Variants in KANSL3 observed in about 807,000 individuals in gnomAD.
KANSL3 encodes the protein KAT8 regulatory NSL complex subunit 3, also known as NSL complex protein NSL3.
Under a neutral mutation model 89.2 loss-of-function variants are expected in KANSL3, and 16 were observed. That is an observed-to-expected ratio of 0.18 (90% CI 0.12 to 0.27). KANSL3 has a LOEUF of 0.27. KANSL3 is among the 10% of genes least tolerant of loss of function. The pLI is 1.00. For synonymous variants in KANSL3, 385 were observed against 419.7 expected (o/e 0.92, Z 1.01); for missense variants, 879 against 1,110.6 (o/e 0.79, Z 2.96).
intron 17 of KANSL3, 74 bp from the exon 18 acceptor site, chr2:96,602,936 A>C: frequency 7.4e-7 from 1 of 1,357,592 alleles, no homozygotes. Flanking sequence ...ACATCCATCC[A>C]CCCTCACCAC....
At chr2:96,582,312 C>G in the KANSL3 span, among the ~76,000 whole-genome samples, 2 of 152,084 alleles carry the variant, frequency 1.3e-5, no homozygotes, top group Non-Finnish European at 2.9e-5. Context: ...GCAGGAGAAT[C>G]GCTTGAACCC....
intron 3 of KANSL3, among the ~76,000 whole-genome samples, chr2:96,629,323 C>CT (rs977532774): frequency 4.6e-5 from 7 of 151,914 alleles, no homozygotes; most frequent in Non-Finnish European, 5.9e-5. Flanking sequence ...CTCAAAAGAG[C>CT]TTTTTTTTCT....
chr2:96,608,414 G>A, intron 14 of KANSL3, 94 bp downstream of exon 14: 1 of 1,304,974 alleles, frequency 7.7e-7, no homozygotes, highest in Non-Finnish European at 1.1e-6. Flanking sequence ...ACATCCCCCT[G>A]AAAAAAGCCA....
the KANSL3 span, among the ~76,000 whole-genome samples, chr2:96,582,172 T>C: frequency 7.9e-5 from 12 of 152,146 alleles, no homozygotes; most frequent in East Asian, 2.3e-3. Context: ...GGCGGATGAC[T>C]TGAGGCCAGG....
Position 96,637,785 on chromosome 2 carries a change from C to T in KANSL3, c.-51+498G>A, listed in dbSNP as rs554391699. Among the ~76,000 whole-genome samples, 12 of 152,134 alleles carry T rather than the reference C, an allele frequency of 7.9e-5. No homozygotes were observed. The East Asian group carries it at 2.3e-3, about 29-fold the overall frequency. On this transcript the variant is annotated intron_variant, in intron 1 of 20. Transcript: ENST00000431828. ...GTTGTTTACATAAAAATGAAAACTG[C>T]CCCCCCAACAAAGCCTGTGACAAAA...
Position 96,593,306 on chromosome 2 carries a change from A to C in KANSL3, c.*2305T>G. The C allele has an allele frequency of 2.2e-6, 1 of 456,066 alleles. No individual in the cohort carries two copies. Among genetic ancestry groups the C allele is most frequent in the Non-Finnish European group, 4.4e-6 (1 of 226,786 alleles). 28.3% of individuals were successfully genotyped at this position (456,066 alleles called of 1,614,324 possible). A position where few individuals can be genotyped will look rare whatever the true frequency, so the allele number is the denominator to read the frequency against. ...GTAGACAGGTCTTCCTACCTCAGTG[A>C]CCTCAAAACACAAGGACATCTCCAT... On this transcript the variant is annotated 3_prime_UTR_variant, in exon 21 of 21. Transcript: ENST00000431828.
the KANSL3 span, among the ~76,000 whole-genome samples, chr2:96,583,698 T>C: frequency 3.3e-5 from 5 of 152,362 alleles, no homozygotes; most frequent in African/African-American, 9.6e-5. Flanking sequence ...TGGGCTATTA[T>C]GAATAAAGCT....
downstream of KANSL3, among the ~76,000 whole-genome samples, chr2:96,592,684 T>G (rs1033482599): frequency 6.6e-6 from 1 of 152,190 alleles, no homozygotes; most frequent in Admixed American, 6.5e-5. Context: ...TTTTGACTGC[T>G]CTGTGCCTGT....
chr2:96,600,705 C>T, intron 20 of KANSL3: 1 of 985,414 alleles, frequency 1.0e-6, no homozygotes, highest in Non-Finnish European at 1.2e-6. Context: ...AGTGGCTCCT[C>T]AGATTACCAT....
chr2:96,621,531 T>C (rs1228274855), intron 3 of KANSL3, among the ~76,000 whole-genome samples: 1 of 150,082 alleles, frequency 6.7e-6, no homozygotes, highest in Non-Finnish European at 1.5e-5. Context: ...AAAAAAAAAT[T>C]CAAACTTTAA....
At position 96,601,787 on chromosome 2, in the gene KANSL3, G is replaced by A; in HGVS notation, c.2483-11C>T. Reference sequence around the variant, plus strand: ...TGGGGACCTTCAAGCCTGAGATAAAGAGAGAGAAGCAGAATTTTTGAGTCA... The same window carrying A: ...TGGGGACCTTCAAGCCTGAGATAAAAAGAGAGAAGCAGAATTTTTGAGTCA... On this transcript the variant is annotated splice_polypyrimidine_tract_variant and intron_variant, in intron 19 of 20. Coordinates refer to ENST00000431828, the MANE Select transcript of KANSL3 (RefSeq NM_001115016.3). The A allele has an allele frequency of 6.5e-7, 1 of 1,545,788 alleles. No individual in the cohort carries two copies. Among genetic ancestry groups the A allele is most frequent in the Non-Finnish European group, 8.7e-7 (1 of 1,148,220 alleles).
Position 96,608,566 on chromosome 2 carries a change from C to G in KANSL3, c.1683G>C (p.Gln561His). The change falls in exon 14 of 21, where the codon CAG becomes CAC. Residue 561 changes from glutamine (Q) to histidine (H), a missense_variant. Gln to His is a conservative substitution (Grantham distance 24). This residue lies in a region of KANSL3 where 317 missense variants were observed against 311.2 expected (regional missense o/e 1.02). Transcript: ENST00000431828. ...TCCGCTGCACATGTCTCTTCAGCAG[C>G]TGAGAACTTCCAATCTGACTGGACT... ...AQKSSQIGSS[Q>H]LLKRHVQRTE... 1 of 1,614,040 alleles carries G rather than the reference C, an allele frequency of 6.2e-7. No individual in the cohort carries two copies. The highest frequency in any genetic ancestry group is 8.5e-7 in the Non-Finnish European group (1 of 1,179,906).
Position 96,637,145 on chromosome 2 carries a change from G to A in KANSL3, c.-10C>T. ...CACCCCGGTGGGCCATGTCAGTGGA[G>A]GGGCAGAAAGTCAGAGCATGGGTAT... On this transcript the variant is annotated 5_prime_UTR_variant, in exon 2 of 21. Coordinates refer to ENST00000431828, the MANE Select transcript of KANSL3 (RefSeq NM_001115016.3). 1.3e-6 allele frequency: 2 copies of A among 1,541,972 alleles called. No individual in the cohort carries two copies. Among genetic ancestry groups the A allele is most frequent in the Non-Finnish European group, 1.8e-6 (2 of 1,138,956 alleles).
chr2:96,637,214 A>T, intron 1 of KANSL3, 29 bp from the exon 2 acceptor site: 2 of 823,220 alleles, frequency 2.4e-6, no homozygotes, highest in African/African-American at 1.8e-5. Context: ...GTTTAGGTCA[A>T]TTCCAATATC....
chr2:96,601,531 A>T (rs1335707925), intron 20 of KANSL3, 112 bp downstream of exon 20: 4 of 1,432,094 alleles, frequency 2.8e-6, no homozygotes, highest in Non-Finnish European at 1.8e-6. Flanking sequence ...TTGAATTTGA[A>T]TCTGAATCTC....
At chr2:96,602,029 C>T in intron 19 of KANSL3, 87 bp downstream of exon 19, 1 of 1,350,352 alleles carries the variant, frequency 7.4e-7, no homozygotes, top group South Asian at 1.4e-5. Context: ...CTGGTTTCAA[C>T]ATCATACCTT....
chr2:96,610,196 GTTTAAC>G (rs933933137), intron 11 of KANSL3: 2 of 152,554 alleles, frequency 1.3e-5, no homozygotes, highest in African/African-American at 4.8e-5. Context: ...TATGTAAGAT[GTTTAAC>G]ATTTAGAAAA....
chr2:96,619,148 T>G (rs1328092525), intron 5 of KANSL3, among the ~76,000 whole-genome samples: 2 of 152,342 alleles, frequency 1.3e-5, no homozygotes, highest in African/African-American at 4.8e-5. Flanking sequence ...TCAGGCCCCA[T>G]ACCTCATCCT....
downstream of KANSL3, among the ~76,000 whole-genome samples, chr2:96,589,603 G>A (rs1242386744): frequency 2.6e-5 from 4 of 152,142 alleles, no homozygotes; most frequent in African/African-American, 4.8e-5. Context: ...AATTATAGTT[G>A]GAAATTTCAA....
Sources: allele counts gnomAD v4.1 joint callset (sites outside exome capture counted in the v4.1 genomes callset), GRCh38; gene constraint gnomAD v4.1.1; regional missense constraint gnomAD v4.1.1; transcripts MANE v1.5; gene names NCBI Gene and HGNC (gene_info 2026-07-23, HGNC 2026-07-21).